The following WDR49 variants were observed in gnomAD, a reference collection of about 807,000 sequenced individuals.
The protein encoded by WDR49 is WD repeat domain 49, also known as cilia- and flagella-associated protein 337.
A neutral mutation model predicts 119.5 loss-of-function variants in WDR49; 107 were observed. The ratio of observed to expected loss-of-function variants is 0.90; its 90% CI spans 0.77 to 1.05. The LOEUF is 1.05. WDR49 is among the 50% of genes least tolerant of loss of function. The pLI is 0.00. For synonymous variants in WDR49, 425 were observed against 418.8 expected, an observed-to-expected ratio of 1.01 and a Z score of -0.18; for missense variants, 1,240 against 1,220.5, an observed-to-expected ratio of 1.02 and a Z score of -0.24.
intron 5 of WDR49, among the ~76,000 whole-genome samples, chr3:167,607,483 G>C (rs1310678335): frequency 6.6e-6 from 1 of 152,008 alleles, no homozygotes; most frequent in African/African-American, 2.4e-5. Flanking sequence ...CACCACTCTG[G>C]GTGCTCTCAC....
chr3:167,571,682 A>T (rs1713947842), intron 8 of WDR49, among the ~76,000 whole-genome samples: 2 of 152,226 alleles, frequency 1.3e-5, no homozygotes, highest in Admixed American at 1.3e-4. Context: ...AGCCTTGTTT[A>T]CGTAAAATAG....
chr3:167,563,413 T>C (rs1713400364), intron 8 of WDR49, among the ~76,000 whole-genome samples: 1 of 151,582 alleles, frequency 6.6e-6, no homozygotes, highest in African/African-American at 2.4e-5. Flanking sequence ...ATTGAAATTT[T>C]GAATTATACT....
At chr3:167,484,503 C>A (rs1363209690) in intron 18 of WDR49, among the ~76,000 whole-genome samples, 1 of 151,912 alleles carries the variant, frequency 6.6e-6, no homozygotes, top group Non-Finnish European at 1.5e-5. Flanking sequence ...TCTGCCTGTG[C>A]CGAGCCTGCC....
intron 17 of WDR49, among the ~76,000 whole-genome samples, chr3:167,502,028 C>G (rs1299187048): frequency 6.6e-6 from 1 of 152,142 alleles, no homozygotes; most frequent in African/African-American, 2.4e-5. Context: ...TAGAAGATGA[C>G]TGGATTATGG....
chr3:167,553,333 C>T (rs907004099), intron 10 of WDR49, among the ~76,000 whole-genome samples: 1 of 151,892 alleles, frequency 6.6e-6, no homozygotes, highest in African/African-American at 2.4e-5. Flanking sequence ...AAGCTTCTTC[C>T]CCAAATTATA....
At chr3:167,546,193 T>C (rs188725892) in intron 10 of WDR49, among the ~76,000 whole-genome samples, 6 of 152,066 alleles carry the variant, frequency 3.9e-5, no homozygotes, top group Non-Finnish European at 5.9e-5. Flanking sequence ...ATTGACATAC[T>C]AGGTATAGTC....
Position 167,529,182 on chromosome 3 carries a change from T to C in WDR49, c.2276A>G (p.Tyr759Cys), listed in dbSNP as rs1461651461. Reference sequence around the variant, plus strand: ...AAATTCAGCCAGAAGTTGCTTCTTATATATATCCCAAAATCTGACATAACC... The same window carrying C: ...AAATTCAGCCAGAAGTTGCTTCTTACATATATCCCAAAATCTGACATAACC... ...GSGYVRFWDI[Y>C]KKQLLAEFLA... The change falls in exon 14 of 19, where the codon TAT becomes TGT. Residue 759 changes from tyrosine (Y) to cysteine (C), a missense_variant. By Grantham distance (194) the Tyr-to-Cys change is radical. Coordinates refer to ENST00000682715, the MANE Select transcript of WDR49 (RefSeq NM_001366157.1). 5.0e-6 allele frequency: 8 copies of C among 1,611,532 alleles called. No homozygotes were observed. Among genetic ancestry groups the C allele is most frequent in the South Asian group, 1.1e-5 (1 of 90,714 alleles).
upstream of WDR49, among the ~76,000 whole-genome samples, chr3:167,657,540 CCCA>C (rs1240699955): frequency 6.6e-6 from 1 of 150,876 alleles, no homozygotes; most frequent in Non-Finnish European, 1.5e-5. Context: ...CTCCTCCCCC[CCCA>C]CAATTTATCC....
chr3:167,548,737 C>T (rs1482443621), intron 10 of WDR49, among the ~76,000 whole-genome samples: 1 of 152,006 alleles, frequency 6.6e-6, no homozygotes, highest in Non-Finnish European at 1.5e-5. Context: ...TACATGTGCA[C>T]AACGTGCAGG....
chr3:167,580,877 T>C (rs1714495323), intron 7 of WDR49, among the ~76,000 whole-genome samples: 1 of 152,180 alleles, frequency 6.6e-6, no homozygotes, highest in African/African-American at 2.4e-5. Flanking sequence ...AGAAGGGTTT[T>C]CTTTATTTTT....
intron 18 of WDR49, among the ~76,000 whole-genome samples, chr3:167,484,717 CT>C (rs1185164605): frequency 1.4e-5 from 2 of 146,132 alleles, no homozygotes; most frequent in African/African-American, 5.0e-5. Context: ...GTGATGTGTT[CT>C]TTTTATAACA....
At chr3:167,640,610 T>A (rs964106745) in intron 2 of WDR49, among the ~76,000 whole-genome samples, 18 of 151,918 alleles carry the variant, frequency 1.2e-4, no homozygotes, top group African/African-American at 3.9e-4. Flanking sequence ...TGCCAAAATA[T>A]CTTTGTTTGA....
At chr3:167,513,626 T>C (rs1196043453) in intron 16 of WDR49, among the ~76,000 whole-genome samples, 1 of 152,060 alleles carries the variant, frequency 6.6e-6, no homozygotes, top group African/African-American at 2.4e-5. Flanking sequence ...ACCTTAAATA[T>C]AAATGGGCTA....
intron 10 of WDR49, among the ~76,000 whole-genome samples, chr3:167,540,365 C>T (rs1469993879): frequency 6.6e-6 from 1 of 152,148 alleles, no homozygotes; most frequent in African/African-American, 2.4e-5. Flanking sequence ...CATCAGAGGA[C>T]TCTTTGCAGA....
Position 167,560,142 on chromosome 3 carries a change from G to T in WDR49, c.1596C>A (p.Gly532=). 1 of 1,614,166 alleles carries T rather than the reference G, an allele frequency of 6.2e-7. No homozygotes were observed. Among genetic ancestry groups the T allele is most frequent in the Non-Finnish European group, 8.5e-7 (1 of 1,180,020 alleles). The change falls in exon 9 of 19, where the codon GGC becomes GGA. Residue 532 remains glycine, a synonymous_variant. Coordinates refer to ENST00000682715, the MANE Select transcript of WDR49 (RefSeq NM_001366157.1). Reference sequence around the variant, plus strand: ...GGGCCATAGTGCTGATTTCTGCGTTGCCGTGGCAACCAGTAAACTGTTTGA... The same window carrying T: ...GGGCCATAGTGCTGATTTCTGCGTTTCCGTGGCAACCAGTAAACTGTTTGA... The part of the protein sequence containing the change: ...QKIKQFTGCH[G]NAEISTMALD...
intron 9 of WDR49, 89 bp downstream of exon 9, chr3:167,559,975 C>T (rs546617428): frequency 3.2e-5 from 45 of 1,419,250 alleles, no homozygotes; most frequent in Non-Finnish European, 3.9e-5. Context: ...ACCAAAAAGG[C>T]AAAAAATGAG....
rs780992001 is a variant in WDR49, at chr3:167,576,112, G to T, written c.1315C>A (p.Gln439Lys). 6.2e-7 allele frequency: 1 copy of T among 1,614,056 alleles called. No homozygotes were observed. The highest frequency in any genetic ancestry group is 1.1e-5 in the South Asian group (1 of 91,068). ...TTGGGGAAAGAACAAGCTATCCTCT[G>T]GATGGACAGCTGGTGTTGAATATCC... ...LWDIQHQLSIQRIACSFPKSQ... is the reference protein window; with the variant it reads ...LWDIQHQLSIKRIACSFPKSQ... Residue 439 changes from glutamine (Q) to lysine (K), a missense_variant, in exon 8 of 19, where the codon CAG (glutamine) becomes AAG (lysine). Coordinates refer to ENST00000682715, the MANE Select transcript of WDR49 (RefSeq NM_001366157.1).
chr3:167,515,045 C>T (rs1752147308), intron 16 of WDR49, among the ~76,000 whole-genome samples: 1 of 152,040 alleles, frequency 6.6e-6, no homozygotes, highest in African/African-American at 2.4e-5. Context: ...CTGAATTCTA[C>T]CAGAGATACA....
intron 18 of WDR49, among the ~76,000 whole-genome samples, chr3:167,498,903 A>G (rs1751459009): frequency 6.6e-6 from 1 of 152,128 alleles, no homozygotes; most frequent in Non-Finnish European, 1.5e-5. Context: ...GGTAAGAGAG[A>G]GACTGGTTCC....
Sources: gnomAD v4.1 joint callset for allele counts (sites outside exome capture counted in the v4.1 genomes callset) on GRCh38, gnomAD v4.1.1 for gene constraint, MANE v1.5 for transcripts, NCBI Gene and HGNC (gene_info 2026-07-23, HGNC 2026-07-21) for gene names.